Variants in ADD2 observed in about 807,000 individuals in gnomAD.
ADD2 encodes the protein adducin 2.
Under a neutral mutation model 83.0 loss-of-function variants are expected in ADD2, and 23 were observed. The ratio of observed to expected loss-of-function variants is 0.28; its 90% CI spans 0.20 to 0.39. The LOEUF is 0.39. Among genes scored for constraint, ADD2 ranks in the 10% least tolerant of loss-of-function variants. The pLI is 1.00. For synonymous variants in ADD2, 375 were observed against 375.4 expected (o/e 1.00, Z 0.01); for missense variants, 758 against 944.9 (o/e 0.80, Z 2.59).
Position 70,688,078 on chromosome 2 carries a change from C to T in ADD2, c.894G>A (p.Thr298=), listed in dbSNP as rs782158693. 1.1e-5 allele frequency: 17 copies of T among 1,614,154 alleles called. No individual in the cohort carries two copies. Among genetic ancestry groups the T allele is most frequent in the Middle Eastern group, 1.6e-4 (1 of 6,062 alleles). Residue 298 remains threonine (T), a synonymous_variant, in exon 9 of 16, where the codon ACG becomes ACA. Coordinates refer to ENST00000264436, the MANE Select transcript of ADD2 (RefSeq NM_001617.4). The stretch of plus-strand genomic sequence containing the variant: ...AGATCTTGTAAAATGCCTCCTCTAC[C>T]GTGTCACCCAGAGCAACCACTCCAT... ...RNHGVVALGD[T]VEEAFYKIFH... is the part of the protein sequence containing the mutation.
At chr2:70,731,598 C>T (rs371460946) in intron 1 of ADD2, among the ~76,000 whole-genome samples, 1 of 152,316 alleles carries the variant, frequency 6.6e-6, no homozygotes, top group African/African-American at 2.4e-5. Flanking sequence ...GGAATTGGTT[C>T]GGTGCATGTA....
intron 3 of ADD2, among the ~76,000 whole-genome samples, chr2:70,705,223 C>T (rs3771456): frequency 0.12 from 18,540 of 152,142 alleles, 1,227 homozygotes; most frequent in East Asian, 0.21. Flanking sequence ...CACCCCAATG[C>T]TTTCAGCATC....
chr2:70,763,222 A>T (rs1312152782), intron 1 of ADD2, among the ~76,000 whole-genome samples: 1 of 151,974 alleles, frequency 6.6e-6, no homozygotes, highest in Non-Finnish European at 1.5e-5. Flanking sequence ...ACAGACCGGG[A>T]TGAAATCTTT....
intron 1 of ADD2, among the ~76,000 whole-genome samples, chr2:70,714,988 C>T (rs1453032696): frequency 6.6e-6 from 1 of 152,200 alleles, no homozygotes; most frequent in Non-Finnish European, 1.5e-5. Context: ...CCCACCCCAA[C>T]CCCCATTGCT....
chr2:70,714,031 T>C (rs143015579), intron 1 of ADD2, among the ~76,000 whole-genome samples: 15 of 152,172 alleles, frequency 9.9e-5, no homozygotes, highest in African/African-American at 3.6e-4. Context: ...CCCCAGCTAA[T>C]ACCTGGATAA....
intron 1 of ADD2, among the ~76,000 whole-genome samples, chr2:70,744,287 T>C (rs540702734): frequency 4.6e-5 from 7 of 152,228 alleles, no homozygotes; most frequent in Non-Finnish European, 7.3e-5. Context: ...AAAAATTGTA[T>C]TGGGCAATTA....
At chr2:70,692,257 G>C (rs998583473) in intron 7 of ADD2, 146 bp downstream of exon 7, 3 of 874,090 alleles carry the variant, frequency 3.4e-6, no homozygotes, top group African/African-American at 3.4e-5. Context: ...GAAAGATGGA[G>C]AGGCTGGGCG....
At chr2:70,703,085 A>G (rs782380889) in intron 4 of ADD2, among the ~76,000 whole-genome samples, 1 of 152,030 alleles carries the variant, frequency 6.6e-6, no homozygotes, top group African/African-American at 2.4e-5. Flanking sequence ...GCACCACTAC[A>G]CTCTAGCCTG....
intron 10 of ADD2, among the ~76,000 whole-genome samples, chr2:70,679,868 T>C (rs1473661595): frequency 1.3e-5 from 2 of 152,212 alleles, no homozygotes; most frequent in Non-Finnish European, 1.5e-5. Flanking sequence ...TATTTTCCTT[T>C]GTAAATTGTT....
chr2:70,724,481 C>A lies in ADD2; in HGVS notation c.-153-11297G>T, dbSNP rs190560585. The stretch of plus-strand genomic sequence containing the variant: ...CAGGTATGTCTCTGCCCCCGCCCAC[C>A]CTCACACTGCTCCCCGACACACACT... On this transcript the variant is annotated intron_variant, in intron 1 of 15. Coordinates refer to ENST00000264436, the MANE Select transcript of ADD2 (RefSeq NM_001617.4). Among the ~76,000 whole-genome samples the A allele has an allele frequency of 2.3e-3, 357 of 152,296 alleles. 2 individuals are homozygous for A. Among genetic ancestry groups the A allele is most frequent in the African/African-American group, 8.2e-3 (342 of 41,570 alleles).
Position 70,690,850 on chromosome 2 carries a change from T to C in ADD2, c.785A>G (p.Asn262Ser), listed in dbSNP as rs782683481. ...LVGDMAYYDF[N>S]GEMEQEADRI... Reference sequence around the variant, plus strand: ...ATCGGCTTCCTGCTCCATTTCCCCATTGAAGTCATAATAGGCCATGTCCCC... The same window carrying C: ...ATCGGCTTCCTGCTCCATTTCCCCACTGAAGTCATAATAGGCCATGTCCCC... The change falls in exon 8 of 16, where the codon AAT (asparagine) becomes AGT (serine). Residue 262 changes from asparagine (N) to serine (S), a missense_variant. Around this residue, in one of 5 missense-constraint regions of ADD2, gnomAD observed 394 missense variants for 509.3 expected, o/e 0.77. Transcript: ENST00000264436. The C allele has an allele frequency of 2.5e-6, 4 of 1,614,188 alleles. No homozygotes were observed. Among genetic ancestry groups the C allele is most frequent in the African/African-American group, 1.3e-5 (1 of 75,050 alleles).
At chr2:70,750,740 C>A (rs1344452247) in intron 1 of ADD2, among the ~76,000 whole-genome samples, 5 of 152,164 alleles carry the variant, frequency 3.3e-5, no homozygotes, top group Admixed American at 3.3e-4. Flanking sequence ...TTATGTCAAG[C>A]CATCTCCATT....
intron 1 of ADD2, among the ~76,000 whole-genome samples, chr2:70,720,846 C>T (rs1280051176): frequency 6.6e-6 from 1 of 152,188 alleles, no homozygotes; most frequent in Non-Finnish European, 1.5e-5. Flanking sequence ...ATGATGGCAT[C>T]CCCTGCAGCC....
intron 2 of ADD2, among the ~76,000 whole-genome samples, chr2:70,707,071 A>G (rs1172873173): frequency 2.0e-5 from 3 of 152,206 alleles, no homozygotes; most frequent in Non-Finnish European, 4.4e-5. Flanking sequence ...GACTACTACT[A>G]AAAGAGCACA....
intron 9 of ADD2, among the ~76,000 whole-genome samples, chr2:70,684,352 A>C (rs966263179): frequency 1.3e-5 from 2 of 152,148 alleles, no homozygotes; most frequent in African/African-American, 4.8e-5. Context: ...GGCTTCAGCT[A>C]TCCTCCCACC....
At position 70,659,167 on chromosome 2, in the gene ADD2, A is replaced by G. The variant is rs1461252973; in HGVS notation, c.*4258T>C. On this transcript the variant is annotated 3_prime_UTR_variant, in exon 16 of 16. Transcript: ENST00000264436. ...GTCTAAAAAAAAAAAAAAAAAAAAA[A>G]AAAAAGAAAGAAAAAGAAAAAACAT... 6 of 151,828 alleles carry G rather than the reference A, an allele frequency of 4.0e-5. No homozygotes were observed. The highest frequency in any genetic ancestry group is 1.4e-4 in the African/African-American group (6 of 41,422). 9.4% of individuals were successfully genotyped at this position (151,828 alleles called of 1,614,324 possible).
At chr2:70,709,240 C>T (rs1207426463) in intron 2 of ADD2, among the ~76,000 whole-genome samples, 1 of 151,662 alleles carries the variant, frequency 6.6e-6, no homozygotes, top group African/African-American at 2.4e-5. Flanking sequence ...ACCACACTTA[C>T]CAGCGGTGTT....
intron 8 of ADD2, among the ~76,000 whole-genome samples, chr2:70,688,584 G>A (rs370837901): frequency 3.3e-5 from 5 of 152,172 alleles, no homozygotes; most frequent in Non-Finnish European, 5.9e-5. Flanking sequence ...TCTTGCTCCT[G>A]TGACTTAGTT....
intron 4 of ADD2, among the ~76,000 whole-genome samples, chr2:70,698,123 C>T (rs1558540992): frequency 6.6e-6 from 1 of 152,336 alleles, no homozygotes; most frequent in East Asian, 1.9e-4. Context: ...GTCAAAAGCA[C>T]AGGGCCCCAG....
Sources: allele counts gnomAD v4.1 joint callset (sites outside exome capture counted in the v4.1 genomes callset), GRCh38; gene constraint gnomAD v4.1.1; regional missense constraint gnomAD v4.1.1; transcripts MANE v1.5; gene names NCBI Gene and HGNC (gene_info 2026-07-23, HGNC 2026-07-21).